The following WWP2 variants were observed in gnomAD, a reference collection of about 807,000 sequenced individuals.
WWP2 encodes the protein WW domain containing E3 ubiquitin protein ligase 2, also known as NEDD4-like E3 ubiquitin-protein ligase WWP2.
Under a neutral mutation model 121.0 loss-of-function variants are expected in WWP2, and 57 were observed. That is an observed-to-expected ratio of 0.47 (90% CI 0.38 to 0.59). WWP2 has a LOEUF of 0.59. Ranked by LOEUF, WWP2 falls within the 20% of genes least tolerant of loss-of-function variation. The probability of loss-of-function intolerance (pLI) is 0.00; values close to 1 mark genes in which losing one functional copy is unlikely to be tolerated. For missense variants in WWP2, 962 were observed against 1,158.9 expected, an observed-to-expected ratio of 0.83 and a Z score of 2.47; for synonymous variants, 449 against 441.3, an observed-to-expected ratio of 1.02 and a Z score of -0.22.
chr16:69,929,997 T>A (rs1476202913), intron 12 of WWP2, 133 bp from the exon 13 acceptor site: 1 of 1,361,322 alleles, frequency 7.3e-7, no homozygotes. Flanking sequence ...TGGGTCATGC[T>A]TCTTGGGTGC....
chr16:69,920,976 G>C (rs550798454), intron 10 of WWP2, among the ~76,000 whole-genome samples: 9 of 152,134 alleles, frequency 5.9e-5, no homozygotes, highest in African/African-American at 2.2e-4. Context: ...ACATTATTCT[G>C]GGTTTATAGA....
intron 6 of WWP2, among the ~76,000 whole-genome samples, chr16:69,867,140 CTT>C (rs11287046): frequency 1.9e-3 from 256 of 132,460 alleles, no homozygotes; most frequent in African/African-American, 3.1e-3. Flanking sequence ...CTGGCCAAGG[CTT>C]TTTTTTTTTT....
intron 10 of WWP2, among the ~76,000 whole-genome samples, chr16:69,924,599 G>A (rs551736499): frequency 6.6e-6 from 1 of 152,014 alleles, no homozygotes; most frequent in South Asian, 2.1e-4. Context: ...GTGTGGGGGG[G>A]ATTCTAATGT....
chr16:69,834,676 G>A (rs544768550), intron 4 of WWP2, among the ~76,000 whole-genome samples: 7 of 150,944 alleles, frequency 4.6e-5, no homozygotes, highest in African/African-American at 1.7e-4. Flanking sequence ...ACAGGTGCCC[G>A]CTACCACACC....
At position 69,937,504 on chromosome 16, in the gene WWP2, C is replaced by T. The variant is rs561138636; in HGVS notation, c.2239-44C>T. The T allele has an allele frequency of 1.6e-5, 26 of 1,598,524 alleles. No individual in the cohort carries two copies. The highest frequency in any genetic ancestry group is 1.7e-4 in the Middle Eastern group (1 of 6,040). On this transcript the variant is annotated intron_variant, in intron 20 of 23. Coordinates refer to ENST00000359154, the MANE Select transcript of WWP2 (RefSeq NM_001270454.2). The surrounding 1 kb of genome is among the most constrained non-coding windows in gnomAD (Gnocchi z 6.6). ...CAAGTGCTAGCGAGTGGACGATGCG[C>T]GGGGAGGGACCTGCCGGGGATGCTG... is the stretch of plus-strand genomic sequence containing the variant.
intron 4 of WWP2, among the ~76,000 whole-genome samples, chr16:69,836,662 G>A (rs1337692934): frequency 6.6e-6 from 1 of 152,138 alleles, no homozygotes; most frequent in Non-Finnish European, 1.5e-5. Flanking sequence ...ACAGGCTGGA[G>A]TGCAGTGGCG....
intron 7 of WWP2, among the ~76,000 whole-genome samples, chr16:69,883,408 A>G (rs866452915): frequency 0.019 from 2,547 of 136,508 alleles, 72 homozygotes; most frequent in African/African-American, 0.059. Context: ...GCGCACACAC[A>G]CACACACACA....
chr16:69,931,644 A>T, intron 15 of WWP2, 64 bp downstream of exon 15: 3 of 1,604,990 alleles, frequency 1.9e-6, no homozygotes, highest in Non-Finnish European at 2.6e-6. Flanking sequence ...CCCATCTCCT[A>T]TCGCGTGGCC....
chr16:69,891,919 C>T (rs1195341656), intron 8 of WWP2, among the ~76,000 whole-genome samples: 2 of 152,242 alleles, frequency 1.3e-5, no homozygotes, highest in Non-Finnish European at 1.5e-5. Context: ...TCAAGCCCTG[C>T]CTCTGGGCCT....
At chr16:69,850,944 T>C (rs1194831479) in intron 6 of WWP2, among the ~76,000 whole-genome samples, 1 of 152,120 alleles carries the variant, frequency 6.6e-6, no homozygotes, top group Non-Finnish European at 1.5e-5. Flanking sequence ...GTTAGAATGA[T>C]GAGCCTGCAT....
intron 11 of WWP2, 22 bp from the exon 12 acceptor site, chr16:69,929,426 T>G (rs768135459): frequency 1.2e-6 from 2 of 1,609,418 alleles, no homozygotes; most frequent in Non-Finnish European, 1.7e-6. Context: ...TCTGATGTTC[T>G]TTCTTTCTTC....
chr16:69,931,365 G>A, intron 14 of WWP2, 138 bp downstream of exon 14: 1 of 1,460,672 alleles, frequency 6.8e-7, no homozygotes, highest in Non-Finnish European at 9.4e-7. Context: ...GGAGCTGGCT[G>A]TCTCTAGGAA....
chr16:69,931,461 T>A (rs775611228), intron 14 of WWP2, 48 bp from the exon 15 acceptor site: 9 of 1,610,506 alleles, frequency 5.6e-6, no homozygotes, highest in Non-Finnish European at 7.6e-6. Context: ...GGAGAACAGA[T>A]GACCACTTGA....
At chr16:69,819,015 G>A (rs1427221812) in intron 4 of WWP2, among the ~76,000 whole-genome samples, 2 of 152,134 alleles carry the variant, frequency 1.3e-5, no homozygotes, top group African/African-American at 2.4e-5. Context: ...ACATCTTGAA[G>A]CAGTGACAAT....
intron 5 of WWP2, among the ~76,000 whole-genome samples, chr16:69,840,716 C>T (rs1263114015): frequency 6.6e-6 from 1 of 152,128 alleles, no homozygotes; most frequent in Non-Finnish European, 1.5e-5. Context: ...GAGAGTGTCC[C>T]TTGCTCTGTC....
intron 1 of WWP2, among the ~76,000 whole-genome samples, chr16:69,772,101 A>G (rs942918216): frequency 6.6e-6 from 1 of 151,534 alleles, no homozygotes; most frequent in African/African-American, 2.4e-5. Context: ...AGCTGGGATT[A>G]CAGGCACGCA....
chr16:69,834,899 T>C (rs1386073142), intron 4 of WWP2, among the ~76,000 whole-genome samples: 1 of 152,104 alleles, frequency 6.6e-6, no homozygotes, highest in African/African-American at 2.4e-5. Context: ...AGAAATTGCT[T>C]ATTGTCTGTT....
At chr16:69,776,221 A>C (rs1046943315) in intron 1 of WWP2, 14 of 152,230 alleles carry the variant, frequency 9.2e-5, no homozygotes, top group African/African-American at 3.4e-4. Context: ...GGCTGGAGTC[A>C]GGGGACTTCT....
At chr16:69,892,161 C>G (rs563836653) in intron 8 of WWP2, among the ~76,000 whole-genome samples, 1 of 151,974 alleles carries the variant, frequency 6.6e-6, no homozygotes, top group African/African-American at 2.4e-5. Flanking sequence ...ATGATTCTCT[C>G]TTTTTTTTAA....
Sources: gnomAD v4.1 joint callset for allele counts (sites outside exome capture counted in the v4.1 genomes callset) on GRCh38, gnomAD v4.1.1 for gene constraint, Gnocchi (gnomAD v3.1) non-coding constraint, MANE v1.5 for transcripts, NCBI Gene and HGNC (gene_info 2026-07-23, HGNC 2026-07-21) for gene names.